The following CRADD variants were observed in gnomAD, a reference collection of about 807,000 sequenced individuals.
CRADD encodes the protein CARD and death domain containing adaptor protein.
A neutral mutation model predicts 15.5 loss-of-function variants in CRADD; 9 were observed. That is an observed-to-expected ratio of 0.58 (90% CI 0.35 to 1.01). The LOEUF is 1.01. CRADD is among the 50% of genes least tolerant of loss of function. CRADD has a pLI of 0.02. For missense variants in CRADD, 227 were observed against 250.3 expected (o/e 0.91, Z 0.63); for synonymous variants, 118 against 107.6 (o/e 1.10, Z -0.60).
At chr12:93,724,197 T>C (rs973362834) in intron 2 of CRADD, among the ~76,000 whole-genome samples, 1 of 151,946 alleles carries the variant, frequency 6.6e-6, no homozygotes. Context: ...CTGGATAACA[T>C]AGAGAAACCC....
At chr12:93,831,616 C>T (rs191021454) in intron 2 of CRADD, among the ~76,000 whole-genome samples, 115 of 152,360 alleles carry the variant, frequency 7.5e-4, no homozygotes, top group Admixed American at 2.7e-3. Context: ...TTAAACGATA[C>T]TTCTTGGGAT....
chr12:93,806,874 G>T (rs1412070442), intron 2 of CRADD, among the ~76,000 whole-genome samples: 1 of 152,166 alleles, frequency 6.6e-6, no homozygotes, highest in African/African-American at 2.4e-5. Flanking sequence ...CATCTTGAAA[G>T]ATCTGATGAC....
chr12:93,861,023 T>C (rs1565942557), intron 2 of CRADD, among the ~76,000 whole-genome samples: 1 of 152,176 alleles, frequency 6.6e-6, no homozygotes. Flanking sequence ...AATAAACTCA[T>C]GACATTTTAA....
chr12:93,782,095 A>G (rs551648820), intron 2 of CRADD, among the ~76,000 whole-genome samples: 3 of 152,068 alleles, frequency 2.0e-5, no homozygotes, highest in South Asian at 2.1e-4. Context: ...AACCAACCCA[A>G]ATATCCAACA....
At chr12:93,859,529 C>A in intron 2 of CRADD, 1 of 350,302 alleles carries the variant, frequency 2.9e-6, no homozygotes, top group Non-Finnish European at 5.7e-6. Flanking sequence ...TTATTCATGC[C>A]CTTGCAATAG....
At chr12:93,881,367 T>TTTTTAG (rs1958499275) in intron 2 of CRADD, among the ~76,000 whole-genome samples, 1 of 149,080 alleles carries the variant, frequency 6.7e-6, no homozygotes, top group Non-Finnish European at 1.5e-5. Flanking sequence ...AGACTGTGGC[T>TTTTTAG]AATAGATATG....
At chr12:93,801,868 C>T (rs553094448) in intron 2 of CRADD, among the ~76,000 whole-genome samples, 1 of 152,190 alleles carries the variant, frequency 6.6e-6, no homozygotes, top group African/African-American at 2.4e-5. Context: ...CCGGCCACAA[C>T]AAGTCCCCAA....
chr12:93,842,694 G>A (rs1593037237), intron 2 of CRADD, among the ~76,000 whole-genome samples: 2 of 151,996 alleles, frequency 1.3e-5, no homozygotes, highest in Admixed American at 1.3e-4. Flanking sequence ...GTGATTGATA[G>A]GCATGGCTGA....
At chr12:93,802,426 G>C (rs1957486497) in intron 2 of CRADD, among the ~76,000 whole-genome samples, 1 of 152,166 alleles carries the variant, frequency 6.6e-6, no homozygotes, top group African/African-American at 2.4e-5. Flanking sequence ...TCTCATGTCA[G>C]CCATCATCAT....
At position 93,790,212 on chromosome 12, in the gene CRADD, A is replaced by C. The variant is rs1420476210; in HGVS notation, c.299-59758A>C. The stretch of plus-strand genomic sequence containing the variant: ...AGAAAGAGCTTTGTTTCTCTGGGTG[A>C]AAACAACATACATTATCATTTCTAA... On this transcript the variant is annotated intron_variant, in intron 2 of 2. Transcript: ENST00000332896. 2.0e-5 allele frequency among the ~76,000 whole-genome samples: 3 copies of C among 152,176 alleles called. No homozygotes were observed. The East Asian group carries it at 5.8e-4, about 29-fold the overall frequency.
intron 2 of CRADD, chr12:93,859,328 C>T (rs1958300958): frequency 2.2e-6 from 1 of 455,786 alleles, no homozygotes; most frequent in African/African-American, 2.0e-5. Context: ...GGGTGTTGGC[C>T]ATGATCCTTA....
intron 2 of CRADD, among the ~76,000 whole-genome samples, chr12:93,729,955 T>A (rs889531495): frequency 6.6e-6 from 1 of 152,156 alleles, no homozygotes; most frequent in African/African-American, 2.4e-5. Context: ...AAGAGATGCA[T>A]TCTCCACGAC....
intron 2 of CRADD, among the ~76,000 whole-genome samples, chr12:93,717,142 T>C (rs1956176613): frequency 1.3e-5 from 2 of 152,190 alleles, no homozygotes; most frequent in South Asian, 4.1e-4. Flanking sequence ...TTGAACATCT[T>C]TTCACATACT....
At chr12:93,725,960 G>A (rs1414782836) in intron 2 of CRADD, among the ~76,000 whole-genome samples, 1 of 152,132 alleles carries the variant, frequency 6.6e-6, no homozygotes, top group African/African-American at 2.4e-5. Flanking sequence ...TCGTGGGGCT[G>A]TATTCAAACC....
chr12:93,837,732 A>T (rs2137036337), intron 2 of CRADD: 1 of 152,354 alleles, frequency 6.6e-6, no homozygotes, highest in Admixed American at 6.5e-5. Flanking sequence ...AAATAACAAA[A>T]TCACTTCTAA....
At chr12:93,774,774 A>G (rs1490017768) in intron 2 of CRADD, among the ~76,000 whole-genome samples, 1 of 152,254 alleles carries the variant, frequency 6.6e-6, no homozygotes, top group Non-Finnish European at 1.5e-5. Context: ...ATGTGTAACA[A>G]ATCATCCAAG....
At chr12:93,781,927 C>A (rs1376059485) in intron 2 of CRADD, among the ~76,000 whole-genome samples, 2 of 152,330 alleles carry the variant, frequency 1.3e-5, no homozygotes, top group Middle Eastern at 3.4e-3. Flanking sequence ...TTGTGGAAAT[C>A]AGTGTGGCGA....
intron 2 of CRADD, among the ~76,000 whole-genome samples, chr12:93,758,594 T>G (rs1493849): frequency 0.35 from 53,679 of 151,764 alleles, 10,892 homozygotes; most frequent in East Asian, 0.61. Flanking sequence ...TGGTTCTTTA[T>G]AGTTCACCAC....
At chr12:93,775,125 T>A (rs1445904547) in intron 2 of CRADD, among the ~76,000 whole-genome samples, 1 of 152,216 alleles carries the variant, frequency 6.6e-6, no homozygotes, top group Admixed American at 6.5e-5. Flanking sequence ...CTGTGAGCAT[T>A]TGGTGCTCAC....
Sources: allele counts gnomAD v4.1 joint callset (sites outside exome capture counted in the v4.1 genomes callset), GRCh38; gene constraint gnomAD v4.1.1; transcripts MANE v1.5; gene names NCBI Gene and HGNC (gene_info 2026-07-23, HGNC 2026-07-21).